DECR2: variants seen among roughly 807,000 people sequenced by gnomAD.
The protein encoded by DECR2 is 2,4-dienoyl-CoA reductase 2.
DECR2 carries 34 observed loss-of-function variants against 29.2 expected under a neutral mutation model. The ratio of observed to expected loss-of-function variants is 1.16; its 90% CI spans 0.89 to 1.55. DECR2 has a LOEUF of 1.55. DECR2 is among the 40% of genes most tolerant of loss of function. The probability of loss-of-function intolerance (pLI) is 0.00; values close to 1 mark genes in which losing one functional copy is unlikely to be tolerated. For missense variants in DECR2, 485 were observed against 425.3 expected, an observed-to-expected ratio of 1.14 and a Z score of -1.23; for synonymous variants, 224 against 182.7, an observed-to-expected ratio of 1.23 and a Z score of -1.82.
rs2054811987 is a variant in DECR2, at chr16:411,006, TC to T, written c.595del (p.Gln199LysfsTer29). ...MTRHLAVEWGPQNIRVNSLAP... is the reference protein window; with the variant it reads ...MTRHLAVEWGXQNIRVNSLAP... ...CGCGGCACTTGGCTGTGGAGTGGGG[TC>T]CCCAAAACATCCGCGTCAACAGCCT... On this transcript the variant is annotated frameshift_variant, in exon 7 of 9. Coordinates refer to ENST00000219481, the MANE Select transcript of DECR2 (RefSeq NM_020664.4). LOFTEE classifies it high-confidence loss of function. 1.2e-6 allele frequency: 2 copies of T among 1,603,760 alleles called. No individual in the cohort carries two copies. Among genetic ancestry groups the T allele is most frequent in the Non-Finnish European group, 8.5e-7 (1 of 1,175,814 alleles).
chr16:410,244 T>C lies in DECR2; in HGVS notation c.339T>C (p.Cys113=). The C allele has an allele frequency of 2.5e-6, 4 of 1,612,780 alleles. No individual in the cohort carries two copies. The highest frequency in any genetic ancestry group is 3.4e-6 in the Non-Finnish European group (4 of 1,179,542). The change falls in exon 5 of 9, where the codon TGT becomes TGC. Residue 113 remains cysteine (C), a splice_region_variant and synonymous_variant. Transcript: ENST00000219481. The surrounding 1 kb of genome is among the most constrained non-coding windows in gnomAD (Gnocchi z 4.1). ...EFGRIDILIN[C]AAGNFLCPAG... Reference sequence around the variant, plus strand: ...CTCCTGCGGTCTCCCATTCTGCAGGTGCGGCCGGGAACTTCCTGTGCCCCG... The same window carrying C: ...CTCCTGCGGTCTCCCATTCTGCAGGCGCGGCCGGGAACTTCCTGTGCCCCG...
rs1335798571 is a variant in DECR2 at position 411,543 on chromosome 16, CT to C, written c.845del (p.Leu282ArgfsTer43). The C allele has an allele frequency of 1.2e-6, 2 of 1,613,876 alleles. No homozygotes were observed. The highest frequency in any genetic ancestry group is 2.7e-5 in the African/African-American group (2 of 75,078). On this transcript the variant is annotated frameshift_variant, in exon 8 of 9. Coordinates refer to ENST00000219481, the MANE Select transcript of DECR2 (RefSeq NM_020664.4). LOFTEE classifies it high-confidence loss of function. ...WLTFPNGVKG[L>X]PDFASFSAKL The stretch of plus-strand genomic sequence containing the variant: ...GACGTTCCCAAACGGTGTCAAAGGG[CT>C]GCCGGATTTCGCATCCTTCTCTGCT...
Position 410,580 on chromosome 16 carries a change from G to C in DECR2, c.463-111G>C. The C allele has an allele frequency of 1.6e-6, 2 of 1,248,704 alleles. No individual in the cohort carries two copies. Among genetic ancestry groups the C allele is most frequent in the Admixed American group, 2.6e-5 (1 of 39,024 alleles). The allele number at this position is 1,248,704 out of a possible 1,614,324, so 77.4% of individuals were successfully genotyped here. A position where few individuals can be genotyped will look rare whatever the true frequency, so the allele number is the denominator to read the frequency against. On this transcript the variant is annotated intron_variant, in intron 5 of 8. Coordinates refer to ENST00000219481, the MANE Select transcript of DECR2 (RefSeq NM_020664.4). The surrounding 1 kb of genome is among the most constrained non-coding windows in gnomAD (Gnocchi z 4.1). ...CGCTCCCTGCCCTGGGCCTCCCCCT[G>C]ACGGCCGCCCGCTCCCTGCCCCGGG...
At position 411,500 on chromosome 16, in the gene DECR2, C is replaced by G. The variant is rs774192464; in HGVS notation, c.801C>G (p.Ala267=). ...ASYVTGAVLV[A]DGGAWLTFPN... Reference sequence around the variant, plus strand: ...ACGTGACGGGGGCCGTGCTGGTGGCCGATGGCGGGGCATGGTTGACGTTCC... The same window carrying G: ...ACGTGACGGGGGCCGTGCTGGTGGCGGATGGCGGGGCATGGTTGACGTTCC... The change falls in exon 8 of 9, where the codon GCC becomes GCG. Residue 267 remains alanine (A), a synonymous_variant. Coordinates refer to ENST00000219481, the MANE Select transcript of DECR2 (RefSeq NM_020664.4). 1 of 1,614,026 alleles carries G rather than the reference C, an allele frequency of 6.2e-7. No homozygotes were observed. Among genetic ancestry groups the G allele is most frequent in the Admixed American group, 1.7e-5 (1 of 60,022 alleles).
In DECR2 at chr16:401,941, C is replaced by A; in HGVS notation, c.-23C>A. On this transcript the variant is annotated 5_prime_UTR_variant, in exon 1 of 9. Transcript: ENST00000219481. ...CCGAGGCCGCTCCCGCCCGTTGTCCCCGCAGTCCCCGACGGGAGCGCCATG... is the reference window on the plus strand; with the variant it reads ...CCGAGGCCGCTCCCGCCCGTTGTCCACGCAGTCCCCGACGGGAGCGCCATG... The A allele has an allele frequency of 2.0e-6, 3 of 1,479,132 alleles. No individual in the cohort carries two copies. Among genetic ancestry groups the A allele is most frequent in the Non-Finnish European group, 2.7e-6 (3 of 1,121,914 alleles). The allele number at this position is 1,479,132 out of a possible 1,614,324, so 91.6% of individuals were successfully genotyped here.
At position 410,686 on chromosome 16, in the gene DECR2, T is replaced by C. The variant is rs1454420175; in HGVS notation, c.463-5T>C. 2.5e-6 allele frequency: 4 copies of C among 1,602,594 alleles called. No individual in the cohort carries two copies. The highest frequency in any genetic ancestry group is 3.4e-6 in the Non-Finnish European group (4 of 1,176,634). On this transcript the variant is annotated splice_polypyrimidine_tract_variant and splice_region_variant and intron_variant, in intron 5 of 8. Coordinates refer to ENST00000219481, the MANE Select transcript of DECR2 (RefSeq NM_020664.4). This position sits in a 1 kb window ranked among gnomAD's most constrained non-coding sequence, Gnocchi z 4.1. Reference sequence around the variant, plus strand: ...GCTCACTGCCCCGGGCCTTGTGTGTTGCAGGACCACGGAGGGGTGATCGTG... The same window carrying C: ...GCTCACTGCCCCGGGCCTTGTGTGTCGCAGGACCACGGAGGGGTGATCGTG...
chr16:410,058 A>G lies in DECR2; in HGVS notation c.338-185A>G, dbSNP rs1461292928. The G allele has an allele frequency of 2.7e-6, 2 of 751,842 alleles. No individual in the cohort carries two copies. The highest frequency in any genetic ancestry group is 2.8e-5 in the East Asian group (1 of 35,910). 46.6% of individuals were successfully genotyped at this position (751,842 alleles called of 1,614,324 possible). A position where few individuals can be genotyped will look rare whatever the true frequency, so the allele number is the denominator to read the frequency against. On this transcript the variant is annotated intron_variant, in intron 4 of 8. Transcript: ENST00000219481. This position sits in a 1 kb window ranked among gnomAD's most constrained non-coding sequence, Gnocchi z 4.1. Reference sequence around the variant, plus strand: ...GCATGTCTTCTCTTCTCGGGGACACAGTGCAGCCAGGACGCCCGTCTTGCT... The same window carrying G: ...GCATGTCTTCTCTTCTCGGGGACACGGTGCAGCCAGGACGCCCGTCTTGCT...
intron 4 of DECR2, 132 bp downstream of exon 4, chr16:407,692 C>G: frequency 7.0e-7 from 1 of 1,420,964 alleles, no homozygotes; most frequent in Non-Finnish European, 9.5e-7. Context: ...GGGCTGCACC[C>G]CATCCAGGTA....
chr16:402,736 C>T (rs532905264), intron 1 of DECR2, among the ~76,000 whole-genome samples: 2 of 151,814 alleles, frequency 1.3e-5, no homozygotes, highest in Non-Finnish European at 2.9e-5. Context: ...GTAATCCCAG[C>T]TCTTTGGGAG....
At position 411,463 on chromosome 16, in the gene DECR2, C is replaced by T. The variant is rs1280650539; in HGVS notation, c.764C>T (p.Pro255Leu). Reference sequence around the variant, plus strand: ...CACAGCGTGCTCTACCTGGCCAGCCCTCTGGCTTCCTACGTGACGGGGGCC... The same window carrying T: ...CACAGCGTGCTCTACCTGGCCAGCCTTCTGGCTTCCTACGTGACGGGGGCC... Reference protein sequence around the residue: ...IAHSVLYLASPLASYVTGAVL... With the variant: ...IAHSVLYLASLLASYVTGAVL... Residue 255 changes from proline (P) to leucine (L), a missense_variant, in exon 8 of 9, where the codon CCT (proline) becomes CTT (leucine). By Grantham distance (98) the Pro-to-Leu change is moderately conservative. Coordinates refer to ENST00000219481, the MANE Select transcript of DECR2 (RefSeq NM_020664.4). 7.4e-6 allele frequency: 12 copies of T among 1,613,904 alleles called. No individual in the cohort carries two copies. In the East Asian group the frequency reaches 2.0e-4, roughly 27 times the overall value.
intron 1 of DECR2, among the ~76,000 whole-genome samples, chr16:402,587 C>T (rs1567338342): frequency 6.6e-6 from 1 of 151,870 alleles, no homozygotes. Context: ...GGGCAAAGGT[C>T]GATCCTCCCC....
In DECR2 at chr16:407,504, T is replaced by C; in HGVS notation, c.281T>C (p.Met94Thr). 6.2e-7 allele frequency: 1 copy of C among 1,613,992 alleles called. No homozygotes were observed. ...SMDVRAPPAVMAAVDQALKEF... is the reference protein window; with the variant it reads ...SMDVRAPPAVTAAVDQALKEF... ...GACGTCCGAGCGCCCCCAGCTGTCA[T>C]GGCCGCCGTGGACCAGGCTCTGAAG... is the stretch of plus-strand genomic sequence containing the variant. The change falls in exon 4 of 9, where the codon ATG becomes ACG. Residue 94 changes from methionine to threonine, a missense_variant. Physicochemically the swap from Met to Thr is moderately conservative, Grantham distance 81 (BLOSUM62 -1). Transcript: ENST00000219481.
rs769206831 is a variant in DECR2 at position 410,416 on chromosome 16, G to A, written c.462+49G>A. ...AGAAGTTCTTCCGGGTGGGTGCCTC[G>A]TGCGCTCTGTGAGAAGTTCTTCCGG... On this transcript the variant is annotated intron_variant, in intron 5 of 8. Transcript: ENST00000219481. The surrounding 1 kb of genome is among the most constrained non-coding windows in gnomAD (Gnocchi z 4.1). The A allele has an allele frequency of 8.8e-6, 14 of 1,586,406 alleles. No homozygotes were observed. The Admixed American group carries it at 1.0e-4, about 11-fold the overall frequency.
rs79060096 is a variant in DECR2, at chr16:410,358, G to T, written c.453G>T (p.Lys151Asn). Reference sequence around the variant, plus strand: ...ATGTGTCTCGTGTGCTCTATGAGAAGTTCTTCCGGGTGGGTGCCTCGTGCG... The same window carrying T: ...ATGTGTCTCGTGTGCTCTATGAGAATTTCTTCCGGGTGGGTGCCTCGTGCG... ...TFNVSRVLYE[K>N]FFRDHGGVIV... The change falls in exon 5 of 9, where the codon AAG (lysine) becomes AAT (asparagine). Residue 151 changes from lysine to asparagine, a missense_variant. Transcript: ENST00000219481. This position sits in a 1 kb window ranked among gnomAD's most constrained non-coding sequence, Gnocchi z 4.1. The T allele has an allele frequency of 2.2e-3, 3,465 of 1,599,124 alleles. 104 individuals carry two copies. The East Asian group carries it at 0.062, about 29-fold the overall frequency.
rs150343200 is a variant in DECR2, at chr16:411,332, C to T, written c.662-29C>T. ...GGAGGGTGCTGGGTCTTGGGGCTCACGGGGCCTGAGCCTTCTGCTGCCCTC... is the reference window on the plus strand; with the variant it reads ...GGAGGGTGCTGGGTCTTGGGGCTCATGGGGCCTGAGCCTTCTGCTGCCCTC... On this transcript the variant is annotated intron_variant, in intron 7 of 8. Coordinates refer to ENST00000219481, the MANE Select transcript of DECR2 (RefSeq NM_020664.4). 1,042 of 1,582,652 alleles carry T rather than the reference C, an allele frequency of 6.6e-4. 5 individuals are homozygous for T. In the Middle Eastern group the frequency reaches 8.6e-3, roughly 13 times the overall value.
intron 3 of DECR2, chr16:406,725 C>T: frequency 1.6e-6 from 1 of 609,096 alleles, no homozygotes; most frequent in South Asian, 1.8e-5. Context: ...GTCTCGAATT[C>T]CTGACCTCAG....
chr16:407,465 T>G lies in DECR2; in HGVS notation c.242T>G (p.Leu81Arg), dbSNP rs772933095. The G allele has an allele frequency of 2.7e-5, 43 of 1,612,990 alleles. No homozygotes were observed. Among genetic ancestry groups the G allele is most frequent in the Non-Finnish European group, 3.6e-5 (43 of 1,179,762 alleles). ...KLAGATGRRC[L>R]PLSMDVRAPP... ...GCTGGGGCCACCGGCCGGCGCTGCC[T>G]CCCTCTCTCTATGGACGTCCGAGCG... The change falls in exon 4 of 9, where the codon CTC becomes CGC. Residue 81 changes from leucine (L) to arginine (R), a missense_variant. Physicochemically the swap from Leu to Arg is moderately radical, Grantham distance 102. Coordinates refer to ENST00000219481, the MANE Select transcript of DECR2 (RefSeq NM_020664.4).
At chr16:406,610 G>A (rs2054727310) in intron 3 of DECR2, 1 of 640,240 alleles carries the variant, frequency 1.6e-6, no homozygotes, top group Non-Finnish European at 2.7e-6. Context: ...CGATTCTCCT[G>A]CCTCAGCCTC....
intron 4 of DECR2, among the ~76,000 whole-genome samples, chr16:408,927 G>T (rs183650273): frequency 1.2e-3 from 186 of 151,830 alleles, no homozygotes; most frequent in African/African-American, 4.1e-3. Context: ...CGCCTCCCGG[G>T]TTCAAGCAAT....
Sources: gnomAD v4.1 joint callset for allele counts (sites outside exome capture counted in the v4.1 genomes callset) on GRCh38, gnomAD v4.1.1 for gene constraint, Gnocchi (gnomAD v3.1) non-coding constraint, MANE v1.5 for transcripts, NCBI Gene and HGNC (gene_info 2026-07-23, HGNC 2026-07-21) for gene names.